PLCH1: variants seen among roughly 807,000 people sequenced by gnomAD.
PLCH1 encodes the protein phospholipase C eta 1, also known as 1-phosphatidylinositol 4,5-bisphosphate phosphodiesterase eta-1.
Under a neutral mutation model 126.7 loss-of-function variants are expected in PLCH1, and 60 were observed. The ratio of observed to expected loss-of-function variants is 0.47; its 90% confidence interval spans 0.38 to 0.59. The LOEUF (loss-of-function observed/expected upper bound fraction) is 0.59. Ranked by LOEUF, PLCH1 falls within the 20% of genes least tolerant of loss-of-function variation. The pLI is 0.00. For synonymous variants in PLCH1, 719 were observed against 734.9 expected, an observed-to-expected ratio of 0.98 and a Z score of 0.35; for missense variants, 1,723 against 2,040.0, an observed-to-expected ratio of 0.84 and a Z score of 2.99.
chr3:155,605,491 T>C (rs1192518296), intron 2 of PLCH1, among the ~76,000 whole-genome samples: 2 of 152,246 alleles, frequency 1.3e-5, no homozygotes, highest in African/African-American at 2.4e-5. Flanking sequence ...AAAAGGACTT[T>C]AGCAATCTCT....
intron 2 of PLCH1, among the ~76,000 whole-genome samples, chr3:155,685,645 T>A (rs1482953965): frequency 6.6e-6 from 1 of 152,208 alleles, no homozygotes; most frequent in Non-Finnish European, 1.5e-5. Flanking sequence ...CAAGCTATTT[T>A]AAATCTCTCT....
chr3:155,683,422 C>A (rs983504264), intron 2 of PLCH1, among the ~76,000 whole-genome samples: 18 of 152,218 alleles, frequency 1.2e-4, no homozygotes, highest in African/African-American at 4.3e-4. Context: ...TCAACTTGAG[C>A]AATCCATGAA....
intron 2 of PLCH1, among the ~76,000 whole-genome samples, chr3:155,651,307 A>G (rs1272483041): frequency 2.0e-5 from 3 of 152,364 alleles, no homozygotes; most frequent in East Asian, 1.9e-4. Context: ...TTAAATGTCC[A>G]TCAGAACTAA....
At chr3:155,734,141 A>C (rs1292787698) in intron 1 of PLCH1, among the ~76,000 whole-genome samples, 1 of 151,944 alleles carries the variant, frequency 6.6e-6, no homozygotes, top group Non-Finnish European at 1.5e-5. Flanking sequence ...AATGTAAATT[A>C]ATACGGCATG....
chr3:155,550,070 G>T, intron 9 of PLCH1, 112 bp from the exon 10 acceptor site: 1 of 635,678 alleles, frequency 1.6e-6, no homozygotes, highest in Non-Finnish European at 2.6e-6. Context: ...CAGTATTTGC[G>T]ATACTGATGA....
intron 6 of PLCH1, among the ~76,000 whole-genome samples, chr3:155,570,299 G>T (rs1298332238): frequency 6.6e-6 from 1 of 152,102 alleles, no homozygotes; most frequent in African/African-American, 2.4e-5. Context: ...ATAGGTTAAT[G>T]CTCTTTACTG....
chr3:155,496,568 A>T (rs990355097), intron 15 of PLCH1, among the ~76,000 whole-genome samples: 1 of 152,154 alleles, frequency 6.6e-6, no homozygotes, highest in South Asian at 2.1e-4. Context: ...TGAGGACACA[A>T]TGTTGTTTTC....
At chr3:155,563,889 T>C (rs1727959716) in intron 8 of PLCH1, among the ~76,000 whole-genome samples, 1 of 152,034 alleles carries the variant, frequency 6.6e-6, no homozygotes, top group Non-Finnish European at 1.5e-5. Flanking sequence ...TTCTATACCA[T>C]TGTATATCAA....
intron 1 of PLCH1, among the ~76,000 whole-genome samples, chr3:155,714,485 A>G (rs1386228799): frequency 6.6e-6 from 1 of 152,244 alleles, no homozygotes. Flanking sequence ...AGGCCTCTGC[A>G]AACAGCCTAA....
chr3:155,636,512 C>A (rs1738738707), intron 2 of PLCH1, among the ~76,000 whole-genome samples: 1 of 152,038 alleles, frequency 6.6e-6, no homozygotes, highest in South Asian at 2.1e-4. Context: ...CTTTGGGAGG[C>A]TGAGGCGGGT....
chr3:155,663,519 C>T (rs1013496429), intron 2 of PLCH1, among the ~76,000 whole-genome samples: 3 of 152,214 alleles, frequency 2.0e-5, no homozygotes, highest in Non-Finnish European at 4.4e-5. Flanking sequence ...GCTGTAGAGA[C>T]TTCTGCTCCA....
downstream of PLCH1, among the ~76,000 whole-genome samples, chr3:155,477,784 G>A (rs906809073): frequency 7.9e-5 from 12 of 152,194 alleles, no homozygotes; most frequent in Non-Finnish European, 1.5e-4. Flanking sequence ...GGGAACCATT[G>A]TACACTGTTG....
At chr3:155,582,565 A>G (rs1730855720) in intron 6 of PLCH1, among the ~76,000 whole-genome samples, 1 of 152,162 alleles carries the variant, frequency 6.6e-6, no homozygotes, top group African/African-American at 2.4e-5. Context: ...TCTACTGATT[A>G]TTGTACTATA....
chr3:155,523,212 G>A (rs868721739), intron 11 of PLCH1, among the ~76,000 whole-genome samples: 1 of 152,058 alleles, frequency 6.6e-6, no homozygotes, highest in African/African-American at 2.4e-5. Context: ...TCCTGACCTC[G>A]TGATCTGCCC....
intron 2 of PLCH1, among the ~76,000 whole-genome samples, chr3:155,690,128 A>C (rs1342372238): frequency 6.6e-6 from 1 of 152,182 alleles, no homozygotes; most frequent in Non-Finnish European, 1.5e-5. Flanking sequence ...CTTACAAGCC[A>C]GGAGAGAGTA....
chr3:155,675,928 AAAAT>A (rs2109000418), intron 2 of PLCH1: 1 of 813,642 alleles, frequency 1.2e-6, no homozygotes. Flanking sequence ...AACATGAAAT[AAAAT>A]AAATGTTTAC....
chr3:155,492,950 A>C, intron 17 of PLCH1, 97 bp from the exon 18 acceptor site: 13 of 997,812 alleles, frequency 1.3e-5, no homozygotes, highest in Non-Finnish European at 1.4e-5. Context: ...ACAAAAACAA[A>C]TGCTGAATTA....
chr3:155,530,872 G>T (rs1408597545), intron 10 of PLCH1, among the ~76,000 whole-genome samples: 1 of 152,172 alleles, frequency 6.6e-6, no homozygotes, highest in East Asian at 1.9e-4. Flanking sequence ...AGACTTGAAA[G>T]TCAAAATTAT....
chr3:155,462,951 A>G (rs1398088579), intron 21 of PLCH1, among the ~76,000 whole-genome samples: 2 of 152,230 alleles, frequency 1.3e-5, no homozygotes, highest in African/African-American at 4.8e-5. Context: ...CCACTAAAAG[A>G]AAGTAGATAG....
Sources: allele counts gnomAD v4.1 joint callset (sites outside exome capture counted in the v4.1 genomes callset), GRCh38; gene constraint gnomAD v4.1.1; transcripts MANE v1.5; gene names NCBI Gene and HGNC (gene_info 2026-07-23, HGNC 2026-07-21).